The following LARS2 variants were observed in gnomAD, a reference collection of about 807,000 sequenced individuals.
LARS2 encodes the protein leucine--tRNA ligase, mitochondrial.
LARS2 carries 81 observed loss-of-function variants against 116.6 expected under a neutral mutation model. That is an observed-to-expected ratio of 0.69 (90% CI 0.58 to 0.84). The LOEUF is 0.84. LARS2 is among the 40% of genes least tolerant of loss of function. The pLI is 0.00. For missense variants in LARS2, 968 were observed against 1,114.5 expected (o/e 0.87, Z 1.87); for synonymous variants, 396 against 407.2 (o/e 0.97, Z 0.33).
chr3:45,533,883 A>C lies in LARS2; in HGVS notation c.2405-7946A>C, dbSNP rs187987097. ...TTGCACCGTGATTTTTCTACACGTC[A>C]CCCCACTGGGGCTTTTGTGATCAGT... On this transcript the variant is annotated intron_variant, in intron 20 of 21. Coordinates refer to ENST00000645846, the MANE Select transcript of LARS2 (RefSeq NM_015340.4). Among the ~76,000 whole-genome samples the C allele has an allele frequency of 1.2e-3, 176 of 152,244 alleles. 1 individual carries two copies. The highest frequency in any genetic ancestry group is 6.1e-3 in the Admixed American group (93 of 15,286).
intron 9 of LARS2, among the ~76,000 whole-genome samples, chr3:45,475,632 T>C (rs1699596981): frequency 6.6e-6 from 1 of 152,246 alleles, no homozygotes; most frequent in Admixed American, 6.5e-5. Context: ...AACATTTTAC[T>C]GTGAACATGT....
intron 6 of LARS2, among the ~76,000 whole-genome samples, chr3:45,432,439 A>G (rs1429941228): frequency 6.6e-6 from 1 of 152,140 alleles, no homozygotes; most frequent in Non-Finnish European, 1.5e-5. Context: ...AAGATATATA[A>G]AGCATCTTCT....
intron 8 of LARS2, among the ~76,000 whole-genome samples, chr3:45,462,729 G>C (rs1314951964): frequency 3.9e-5 from 6 of 152,180 alleles, no homozygotes; most frequent in African/African-American, 1.4e-4. Flanking sequence ...TTGCAGCTCT[G>C]TGGGCTGCCT....
chr3:45,486,148 A>G (rs1190148634), intron 11 of LARS2, among the ~76,000 whole-genome samples: 2 of 152,120 alleles, frequency 1.3e-5, no homozygotes, highest in Non-Finnish European at 2.9e-5. Flanking sequence ...GTATACTACC[A>G]GCTTTAAAAA....
At chr3:45,516,464 A>T (rs1700371142) in intron 17 of LARS2, among the ~76,000 whole-genome samples, 188 bp downstream of exon 17, 1 of 152,342 alleles carries the variant, frequency 6.6e-6, no homozygotes, top group African/African-American at 2.4e-5. Flanking sequence ...AACATAAGCG[A>T]GCCTCAGAAT....
At chr3:45,436,057 T>A (rs1406749684) in intron 6 of LARS2, among the ~76,000 whole-genome samples, 2 of 152,168 alleles carry the variant, frequency 1.3e-5, no homozygotes, top group African/African-American at 4.8e-5. Context: ...CTTGTCCGTG[T>A]CACGTATGAA....
At chr3:45,527,095 T>C (rs1700541357) in intron 20 of LARS2, among the ~76,000 whole-genome samples, 1 of 152,150 alleles carries the variant, frequency 6.6e-6, no homozygotes, top group African/African-American at 2.4e-5. Context: ...TCCATGAACC[T>C]GCAATTCTAT....
At chr3:45,502,316 A>G (rs1575297571) in intron 15 of LARS2, among the ~76,000 whole-genome samples, 1 of 151,996 alleles carries the variant, frequency 6.6e-6, no homozygotes, top group Non-Finnish European at 1.5e-5. Context: ...ATGTATTGCA[A>G]GTAGTTTTTT....
chr3:45,405,824 T>C (rs1698224630), intron 4 of LARS2, among the ~76,000 whole-genome samples: 1 of 152,370 alleles, frequency 6.6e-6, no homozygotes. Flanking sequence ...ACCTCGATGA[T>C]GGCTGTTCTT....
intron 6 of LARS2, among the ~76,000 whole-genome samples, chr3:45,443,172 G>C (rs1406173364): frequency 6.6e-6 from 1 of 152,176 alleles, no homozygotes; most frequent in African/African-American, 2.4e-5. Flanking sequence ...CATCACCTCT[G>C]TGGGTACTGA....
intron 4 of LARS2, among the ~76,000 whole-genome samples, chr3:45,408,541 G>A (rs1012704023): frequency 6.6e-6 from 1 of 152,220 alleles, no homozygotes; most frequent in Non-Finnish European, 1.5e-5. Context: ...CCCCCTCCTG[G>A]TTTTGAACAG....
At chr3:45,443,426 C>G (rs1698947703) in intron 6 of LARS2, among the ~76,000 whole-genome samples, 1 of 152,190 alleles carries the variant, frequency 6.6e-6, no homozygotes, top group African/African-American at 2.4e-5. Flanking sequence ...GGCTCTATGA[C>G]TTTCAGGAGA....
At chr3:45,444,697 C>T (rs1429009999) in intron 6 of LARS2, among the ~76,000 whole-genome samples, 3 of 142,046 alleles carry the variant, frequency 2.1e-5, no homozygotes, top group Non-Finnish European at 3.1e-5. Context: ...AATGCTGTTT[C>T]ATTGCTGTGT....
Position 45,547,786 on chromosome 3 carries a change from C to G in LARS2, c.*256C>G, listed in dbSNP as rs1472990088. The G allele has an allele frequency of 5.1e-6, 2 of 394,108 alleles. No individual in the cohort carries two copies. Among genetic ancestry groups the G allele is most frequent in the East Asian group, 4.7e-5 (1 of 21,098 alleles). The allele number at this position is 394,108 out of a possible 1,614,324, so 24.4% of individuals were successfully genotyped here. On this transcript the variant is annotated 3_prime_UTR_variant, in exon 22 of 22. Coordinates refer to ENST00000645846, the MANE Select transcript of LARS2 (RefSeq NM_015340.4). ...GACATCCTGCCCCTCACCCCCCACCCACACTGCAGGTAGAGGAGGCCATCT... is the reference window on the plus strand; with the variant it reads ...GACATCCTGCCCCTCACCCCCCACCGACACTGCAGGTAGAGGAGGCCATCT...
intron 13 of LARS2, among the ~76,000 whole-genome samples, 194 bp from the exon 14 acceptor site, chr3:45,496,081 G>A (rs527581548): frequency 2.6e-5 from 4 of 152,096 alleles, no homozygotes; most frequent in Admixed American, 1.3e-4. Flanking sequence ...GTATGGTCTC[G>A]ATCTTTTGAC....
At chr3:45,394,120 G>A (rs1477302811) in intron 2 of LARS2, among the ~76,000 whole-genome samples, 12 of 152,238 alleles carry the variant, frequency 7.9e-5, no homozygotes, top group Admixed American at 2.0e-4. Context: ...GGCCCATGGG[G>A]AGGGGAGGGA....
At chr3:45,434,406 A>G (rs1450755582) in intron 6 of LARS2, among the ~76,000 whole-genome samples, 5 of 151,942 alleles carry the variant, frequency 3.3e-5, no homozygotes, top group Admixed American at 3.3e-4. Flanking sequence ...GTGTTACTTT[A>G]TTTATCAGTT....
Position 45,496,278 on chromosome 3 carries a change from C to T in LARS2, c.1527C>T (p.Cys509=). The T allele has an allele frequency of 1.9e-6, 3 of 1,612,190 alleles. No individual in the cohort carries two copies. Among genetic ancestry groups the T allele is most frequent in the Non-Finnish European group, 2.5e-6 (3 of 1,178,206 alleles). ...ATGAATTTCATTTCTTTCTTAGGTG[C>T]AAGGGAGCAGCCAAGAGAGAGACAG... ...SEWVNCSCPR[C]KGAAKRETDT... Residue 509 remains cysteine (C), a synonymous_variant, in exon 14 of 22, where the codon TGC becomes TGT. Transcript: ENST00000645846.
chr3:45,417,650 T>C, intron 5 of LARS2, 77 bp downstream of exon 5: 1 of 923,166 alleles, frequency 1.1e-6, no homozygotes, highest in Non-Finnish European at 1.7e-6. Context: ...GCTTAAAAAA[T>C]AGAAAGCAAA....
Sources: allele counts gnomAD v4.1 joint callset (sites outside exome capture counted in the v4.1 genomes callset), GRCh38; gene constraint gnomAD v4.1.1; transcripts MANE v1.5; gene names NCBI Gene and HGNC (gene_info 2026-07-23, HGNC 2026-07-21).